NPSR1: variants seen among roughly 807,000 people sequenced by gnomAD.
NPSR1 encodes the protein neuropeptide S receptor 1, also known as neuropeptide S receptor.
NPSR1 carries 48 observed loss-of-function variants against 46.9 expected under a neutral mutation model. The ratio of observed to expected loss-of-function variants is 1.02; its 90% confidence interval spans 0.81 to 1.30. NPSR1 has a LOEUF of 1.30. Ranked by LOEUF, NPSR1 falls within the 50% of genes most tolerant of loss-of-function variation. The pLI, the probability that NPSR1 is intolerant of heterozygous loss-of-function variation, is 0.00. For synonymous variants in NPSR1, 176 were observed against 168.1 expected, an observed-to-expected ratio of 1.05 and a Z score of -0.36; for missense variants, 450 against 449.5, an observed-to-expected ratio of 1.00 and a Z score of -0.01.
chr7:34,844,952 G>C lies in NPSR1; in HGVS notation c.814G>C (p.Ala272Pro). ...ACTCATCTCAAAGGCAAAAATCAAGGCTATCAAGTATAGCATCATCATCAT... is the reference window on the plus strand; with the variant it reads ...ACTCATCTCAAAGGCAAAAATCAAGCCTATCAAGTATAGCATCATCATCAT... Reference protein sequence around the residue: ...RGLISKAKIKAIKYSIIIILA... With the variant: ...RGLISKAKIKPIKYSIIIILA... The change falls in exon 7 of 9, where the codon GCT (alanine) becomes CCT (proline). Residue 272 changes from alanine to proline, a missense_variant. Transcript: ENST00000360581. 6.2e-7 allele frequency: 1 copy of C among 1,613,062 alleles called. No homozygotes were observed. The highest frequency in any genetic ancestry group is 1.1e-5 in the South Asian group (1 of 91,058).
chr7:34,791,014 TTATA>T (rs369048425), intron 3 of NPSR1, among the ~76,000 whole-genome samples: 1 of 114,894 alleles, frequency 8.7e-6, no homozygotes, highest in East Asian at 2.2e-4. Flanking sequence ...ATATGTTATA[TTATA>T]TATGTTATAT....
intron 8 of NPSR1, among the ~76,000 whole-genome samples, chr7:34,859,843 A>T (rs1222968611): frequency 1.3e-5 from 2 of 151,776 alleles, no homozygotes; most frequent in Non-Finnish European, 2.9e-5. Flanking sequence ...GCTCTGGTGC[A>T]ACTCTTCAAT....
At chr7:34,818,391 A>G (rs750031849) in intron 4 of NPSR1, among the ~76,000 whole-genome samples, 7 of 152,208 alleles carry the variant, frequency 4.6e-5, no homozygotes, top group Non-Finnish European at 1.0e-4. Flanking sequence ...AAGGAGAACT[A>G]CAAACCACTG....
At chr7:34,808,672 A>T (rs1788829234) in intron 3 of NPSR1, among the ~76,000 whole-genome samples, 1 of 152,186 alleles carries the variant, frequency 6.6e-6, no homozygotes, top group African/African-American at 2.4e-5. Flanking sequence ...CAGGAAGACT[A>T]TAAAATATTA....
chr7:34,836,017 A>T (rs1790350583), intron 6 of NPSR1, among the ~76,000 whole-genome samples: 1 of 152,170 alleles, frequency 6.6e-6, no homozygotes, highest in Non-Finnish European at 1.5e-5. Context: ...TAGGTGGCTG[A>T]CCTTCACACT....
intron 5 of NPSR1, among the ~76,000 whole-genome samples, chr7:34,831,644 T>C (rs1370048759): frequency 1.3e-5 from 2 of 152,142 alleles, no homozygotes; most frequent in Non-Finnish European, 2.9e-5. Flanking sequence ...TACATTGTTT[T>C]TCTGGGTCAA....
At chr7:34,810,575 C>T (rs1489950700) in intron 3 of NPSR1, among the ~76,000 whole-genome samples, 1 of 152,184 alleles carries the variant, frequency 6.6e-6, no homozygotes, top group Non-Finnish European at 1.5e-5. Context: ...TGATTCAACA[C>T]CGCACATAGG....
chr7:34,679,560 C>G (rs1792507261), intron 1 of NPSR1, among the ~76,000 whole-genome samples: 1 of 151,938 alleles, frequency 6.6e-6, no homozygotes, highest in Non-Finnish European at 1.5e-5. Flanking sequence ...TATAATAAAA[C>G]CAGTGATTTT....
chr7:34,799,606 A>C (rs888414392), intron 3 of NPSR1, among the ~76,000 whole-genome samples: 2 of 150,638 alleles, frequency 1.3e-5, no homozygotes, highest in Admixed American at 6.6e-5. Flanking sequence ...CAGCCACTGC[A>C]AAACCATGAC....
At chr7:34,708,383 G>A (rs577265593) in intron 2 of NPSR1, among the ~76,000 whole-genome samples, 2 of 152,292 alleles carry the variant, frequency 1.3e-5, no homozygotes, top group East Asian at 1.9e-4. Flanking sequence ...ACACTGATGA[G>A]CTTAGGCTGA....
At chr7:34,658,802 G>A (rs529904792) in intron 1 of NPSR1, among the ~76,000 whole-genome samples, 12 of 152,282 alleles carry the variant, frequency 7.9e-5, no homozygotes, top group East Asian at 3.9e-4. Context: ...TGTGTGAATC[G>A]TGAGTAACAT....
intron 2 of NPSR1, among the ~76,000 whole-genome samples, chr7:34,706,099 G>A (rs1794092419): frequency 6.7e-6 from 1 of 149,590 alleles, no homozygotes; most frequent in Admixed American, 6.6e-5. Flanking sequence ...GGTATTTTGT[G>A]TTACCAAAAA....
intron 3 of NPSR1, among the ~76,000 whole-genome samples, chr7:34,787,561 G>A (rs1376768304): frequency 6.6e-6 from 1 of 152,026 alleles, no homozygotes; most frequent in Non-Finnish European, 1.5e-5. Flanking sequence ...GTCTATCTTG[G>A]TTTCTGACAT....
chr7:34,731,469 G>A (rs1169798089), intron 2 of NPSR1, among the ~76,000 whole-genome samples: 1 of 151,830 alleles, frequency 6.6e-6, no homozygotes, highest in Non-Finnish European at 1.5e-5. Context: ...AACCTAAAAT[G>A]GTATCAATGA....
At chr7:34,862,732 T>C (rs1487100594) in intron 8 of NPSR1, among the ~76,000 whole-genome samples, 2 of 151,784 alleles carry the variant, frequency 1.3e-5, no homozygotes, top group Admixed American at 6.6e-5. Context: ...TTCCTAAGTA[T>C]GCCCTTCCAC....
chr7:34,771,866 C>A (rs1786700478), intron 2 of NPSR1, among the ~76,000 whole-genome samples: 1 of 152,206 alleles, frequency 6.6e-6, no homozygotes, highest in South Asian at 2.1e-4. Context: ...TACTTAGAAC[C>A]TTGCCAAGGA....
intron 1 of NPSR1, among the ~76,000 whole-genome samples, chr7:34,663,279 C>T (rs1791567177): frequency 6.6e-6 from 1 of 152,032 alleles, no homozygotes; most frequent in Non-Finnish European, 1.5e-5. Flanking sequence ...GGGGTAATGT[C>T]CCTTGGCCAC....
intron 2 of NPSR1, among the ~76,000 whole-genome samples, chr7:34,771,072 A>G (rs1786661397): frequency 6.6e-6 from 1 of 152,210 alleles, no homozygotes; most frequent in Non-Finnish European, 1.5e-5. Context: ...CTGTAGCAGT[A>G]GGCAAAGCCA....
intron 1 of NPSR1, among the ~76,000 whole-genome samples, chr7:34,679,225 G>C (rs1297020391): frequency 1.3e-5 from 2 of 152,072 alleles, no homozygotes. Context: ...AACCTTGTAA[G>C]ATCTTACATA....
Sources: allele counts gnomAD v4.1 joint callset (sites outside exome capture counted in the v4.1 genomes callset), GRCh38; gene constraint gnomAD v4.1.1; transcripts MANE v1.5; gene names NCBI Gene and HGNC (gene_info 2026-07-23, HGNC 2026-07-21).